The following EYA4 variants were observed in gnomAD, a reference collection of about 807,000 sequenced individuals.
EYA4 encodes the protein EYA transcriptional coactivator and phosphatase 4.
A neutral mutation model predicts 87.9 loss-of-function variants in EYA4; 31 were observed. The observed-to-expected ratio is 0.35, with a 90% CI of 0.27 to 0.48. The LOEUF is 0.48. EYA4 is among the 20% of genes least tolerant of loss of function. EYA4 has a pLI of 0.99. For synonymous variants in EYA4, 263 were observed against 270.6 expected (o/e 0.97, Z 0.28); for missense variants, 678 against 761.4 (o/e 0.89, Z 1.29).
At chr6:133,327,710 T>C (rs184203378) in intron 2 of EYA4, among the ~76,000 whole-genome samples, 106 of 152,304 alleles carry the variant, frequency 7.0e-4, no homozygotes, top group African/African-American at 2.5e-3. Flanking sequence ...TTAGTGATGC[T>C]TTACCTTTTA....
rs528118186 is a variant in EYA4, at chr6:133,267,485, C to T, written c.-65-7231C>T. Among the ~76,000 whole-genome samples, 139 of 152,080 alleles carry T rather than the reference C, an allele frequency of 9.1e-4. 1 individual carries two copies. Among genetic ancestry groups the T allele is most frequent in the African/African-American group, 2.9e-3 (120 of 41,474 alleles). On this transcript the variant is annotated intron_variant, in intron 1 of 19. Transcript: ENST00000355286. ...GCAACCTCCGCCTCCTGGGTTCAAGCGATTCTCCTGCCTCAGCCTCCTGAG... is the reference window on the plus strand; with the variant it reads ...GCAACCTCCGCCTCCTGGGTTCAAGTGATTCTCCTGCCTCAGCCTCCTGAG...
intron 11 of EYA4, among the ~76,000 whole-genome samples, chr6:133,476,666 G>A (rs1041339113): frequency 6.6e-5 from 10 of 152,022 alleles, no homozygotes; most frequent in Admixed American, 3.9e-4. Context: ...GAACACTTAG[G>A]TTGACTCCAT....
At chr6:133,513,148 A>AATGTGGTT in intron 16 of EYA4, 110 bp downstream of exon 16, 2 of 1,150,474 alleles carry the variant, frequency 1.7e-6, no homozygotes, top group Non-Finnish European at 2.6e-6. Context: ...GCAAAAGCTC[A>AATGTGGTT]TATTAAACCA....
At chr6:133,466,824 G>A (rs934088120) in intron 10 of EYA4, among the ~76,000 whole-genome samples, 3 of 151,902 alleles carry the variant, frequency 2.0e-5, no homozygotes, top group African/African-American at 7.2e-5. Flanking sequence ...GGGAAGTGGG[G>A]AAGCACATTT....
At position 133,306,184 on chromosome 6, in the gene EYA4, G is replaced by A. The variant is rs374894666; in HGVS notation, c.33+31371G>A. On this transcript the variant is annotated intron_variant, in intron 2 of 19. Transcript: ENST00000355286. ...GTACAAAGTACAAACAAGGAGACTA[G>A]AGAAAAGAGAGGCTAAATGACCAAA... Among the ~76,000 whole-genome samples, 14 of 152,278 alleles carry A rather than the reference G, an allele frequency of 9.2e-5. No homozygotes were observed. In the East Asian group the frequency reaches 1.9e-3, roughly 21 times the overall value.
intron 5 of EYA4, among the ~76,000 whole-genome samples, chr6:133,452,555 G>A (rs1793552382): frequency 6.6e-6 from 1 of 152,106 alleles, no homozygotes; most frequent in Non-Finnish European, 1.5e-5. Flanking sequence ...TGGCAGTAGG[G>A]ATGAAGGTTG....
intron 14 of EYA4, among the ~76,000 whole-genome samples, chr6:133,510,889 A>G (rs1025549181): frequency 2.0e-5 from 3 of 152,188 alleles, no homozygotes; most frequent in African/African-American, 7.2e-5. Flanking sequence ...TATTTAAGAA[A>G]GAATTGTGGA....
intron 13 of EYA4, among the ~76,000 whole-genome samples, chr6:133,504,719 G>A (rs1280381340): frequency 6.6e-6 from 1 of 152,186 alleles, no homozygotes; most frequent in Non-Finnish European, 1.5e-5. Flanking sequence ...GATTATCATA[G>A]TGGAGGTGTG....
At chr6:133,279,505 T>C (rs959519559) in intron 2 of EYA4, among the ~76,000 whole-genome samples, 3 of 152,168 alleles carry the variant, frequency 2.0e-5, no homozygotes, top group African/African-American at 7.2e-5. Flanking sequence ...TCTATTTGTA[T>C]TTATGAAACA....
At chr6:133,245,931 A>G (rs992314008) in intron 1 of EYA4, among the ~76,000 whole-genome samples, 1 of 152,180 alleles carries the variant, frequency 6.6e-6, no homozygotes, top group Non-Finnish European at 1.5e-5. Context: ...GAAATTTGTC[A>G]TTCTTAGTGT....
chr6:133,483,210 T>C (rs1796372350), intron 13 of EYA4, 95 bp downstream of exon 13: 3 of 878,674 alleles, frequency 3.4e-6, no homozygotes, highest in Admixed American at 2.0e-5. Context: ...TTAAGTGTTT[T>C]TTTATTGCAG....
chr6:133,298,136 T>C (rs1453435430), intron 2 of EYA4, among the ~76,000 whole-genome samples: 1 of 152,226 alleles, frequency 6.6e-6, no homozygotes, highest in Non-Finnish European at 1.5e-5. Flanking sequence ...TTCTTTACTA[T>C]GATAATTATT....
At chr6:133,475,057 A>G (rs530650901) in intron 11 of EYA4, among the ~76,000 whole-genome samples, 1 of 152,110 alleles carries the variant, frequency 6.6e-6, no homozygotes, top group East Asian at 1.9e-4. Flanking sequence ...TCAATCATGT[A>G]TAGTATTGGG....
At chr6:133,319,357 G>A (rs775968231) in intron 2 of EYA4, among the ~76,000 whole-genome samples, 2 of 152,168 alleles carry the variant, frequency 1.3e-5, no homozygotes, top group Non-Finnish European at 2.9e-5. Context: ...GAAACTAGAT[G>A]AGTAAAAATC....
chr6:133,383,517 C>CAAAAAAAAAAAAAAAAAAAA (rs768724484), intron 3 of EYA4, among the ~76,000 whole-genome samples: 2 of 45,240 alleles, frequency 4.4e-5, no homozygotes, highest in Admixed American at 5.0e-4. Flanking sequence ...GACTCCATCT[C>CAAAAAAAAAAAAAAAAAAAA]AAAAAAAAAA....
chr6:133,273,201 G>A (rs1166169588), intron 1 of EYA4, among the ~76,000 whole-genome samples: 1 of 151,638 alleles, frequency 6.6e-6, no homozygotes, highest in Admixed American at 6.6e-5. Flanking sequence ...AGGAGAGCCA[G>A]TCCGATTCCC....
In EYA4 at chr6:133,270,916, G is replaced by T. The variant is rs541485514; in HGVS notation, c.-65-3800G>T. 4.6e-5 allele frequency among the ~76,000 whole-genome samples: 7 copies of T among 152,272 alleles called. No individual in the cohort carries two copies. The South Asian group carries it at 1.5e-3, about 32-fold the overall frequency. On this transcript the variant is annotated intron_variant, in intron 1 of 19. Coordinates refer to ENST00000355286, the MANE Select transcript of EYA4 (RefSeq NM_004100.5). ...GCCTGTTGACTTAAAGGTAGGAGGA[G>T]CCCAAAGTGTCCAGGTGGCAATGTT...
intron 2 of EYA4, among the ~76,000 whole-genome samples, chr6:133,335,279 A>G (rs529710821): frequency 4.7e-4 from 71 of 152,366 alleles, no homozygotes; most frequent in Admixed American, 1.6e-3. Flanking sequence ...GGACTCAACA[A>G]TAAGTGCTCA....
Position 133,512,993 on chromosome 6 carries a change from A to G in EYA4, c.1456A>G (p.Arg486Gly), listed in dbSNP as rs1166116766. 1 of 1,614,182 alleles carries G rather than the reference A, an allele frequency of 6.2e-7. No homozygotes were observed. The highest frequency in any genetic ancestry group is 8.5e-7 in the Non-Finnish European group (1 of 1,180,026). ...GATGAGGAAGTTGGCTTTTCGTTAC[A>G]GAAGAGTAAAAGAATTATATAACAC... The part of the protein sequence containing the change: ...DWMRKLAFRY[R>G]RVKELYNTYK... The change falls in exon 16 of 20, where the codon AGA (arginine) becomes GGA (glycine). Residue 486 changes from arginine to glycine, a missense_variant. By Grantham distance (125) the Arg-to-Gly change is moderately radical (BLOSUM62 -2). Coordinates refer to ENST00000355286, the MANE Select transcript of EYA4 (RefSeq NM_004100.5).
Sources: allele counts gnomAD v4.1 joint callset (sites outside exome capture counted in the v4.1 genomes callset), GRCh38; gene constraint gnomAD v4.1.1; transcripts MANE v1.5; gene names NCBI Gene and HGNC (gene_info 2026-07-23, HGNC 2026-07-21).